The following CUX2 variants were observed in gnomAD, a reference collection of about 807,000 sequenced individuals.
CUX2 encodes the protein homeobox protein cut-like 2.
In CUX2, 40 loss-of-function variants were observed where a neutral mutation model predicts 144.8. The ratio of observed to expected loss-of-function variants is 0.28; its 90% CI spans 0.21 to 0.36. The LOEUF is 0.36. CUX2 is among the 10% of genes least tolerant of loss of function. The pLI, the probability that CUX2 is intolerant of heterozygous loss-of-function variation, is 1.00. For synonymous variants in CUX2, 827 were observed against 875.6 expected (o/e 0.94, Z 0.98); for missense variants, 1,615 against 1,994.0 (o/e 0.81, Z 3.62).
At chr12:111,266,885 C>T (rs1884414658) in intron 4 of CUX2, among the ~76,000 whole-genome samples, 1 of 152,222 alleles carries the variant, frequency 6.6e-6, no homozygotes, top group Admixed American at 6.5e-5. Context: ...TCAGCCTCAC[C>T]TGCAAGCTGG....
intron 3 of CUX2, among the ~76,000 whole-genome samples, chr12:111,258,026 A>G (rs1307120791): frequency 6.6e-6 from 1 of 152,224 alleles, no homozygotes; most frequent in African/African-American, 2.4e-5. Flanking sequence ...CTATGTGATT[A>G]GAAGAAGAAT....
chr12:111,145,548 A>G (rs748554326), intron 1 of CUX2, among the ~76,000 whole-genome samples: 16 of 152,072 alleles, frequency 1.1e-4, no homozygotes, highest in Non-Finnish European at 2.2e-4. Flanking sequence ...TTTTTACTAT[A>G]GAGATGGCGG....
rs1877485140 is a variant in CUX2 at position 111,062,296 on chromosome 12, C to T, written c.63+28056C>T. 1.3e-5 allele frequency among the ~76,000 whole-genome samples: 2 copies of T among 152,220 alleles called. 1 individual carries two copies. Among genetic ancestry groups the T allele is most frequent in the Admixed American group, 1.3e-4 (2 of 15,284 alleles). On this transcript the variant is annotated intron_variant, in intron 1 of 21. Transcript: ENST00000261726. ...TCTCTCATCTACACCAAAGGGAGTG[C>T]ACAGGGCTGTCCTCCTGGTTGAGGG... is the stretch of plus-strand genomic sequence containing the variant.
At chr12:111,054,023 A>G (rs1870403820) in intron 1 of CUX2, among the ~76,000 whole-genome samples, 1 of 152,120 alleles carries the variant, frequency 6.6e-6, no homozygotes, top group Non-Finnish European at 1.5e-5. Flanking sequence ...GCATGGTGGC[A>G]CACGCCTGTA....
At chr12:111,120,741 G>A (rs946752275) in intron 1 of CUX2, among the ~76,000 whole-genome samples, 2 of 151,920 alleles carry the variant, frequency 1.3e-5, no homozygotes, top group Non-Finnish European at 2.9e-5. Context: ...CAGGCTGCTG[G>A]AGATTAGCAT....
At chr12:111,242,421 A>C (rs760309300) in intron 3 of CUX2, among the ~76,000 whole-genome samples, 2 of 152,214 alleles carry the variant, frequency 1.3e-5, no homozygotes, top group Non-Finnish European at 2.9e-5. Flanking sequence ...CGACAAGGGC[A>C]GAGTTGAGGA....
At chr12:111,138,140 A>T (rs558446618) in intron 1 of CUX2, among the ~76,000 whole-genome samples, 1 of 152,254 alleles carries the variant, frequency 6.6e-6, no homozygotes, top group East Asian at 1.9e-4. Context: ...GGCCGAGGGG[A>T]GGGGCTTGGC....
At chr12:111,155,182 TTCCTTA>T (rs1488643423) in intron 1 of CUX2, among the ~76,000 whole-genome samples, 1 of 152,222 alleles carries the variant, frequency 6.6e-6, no homozygotes, top group African/African-American at 2.4e-5. Context: ...CCCAGCTCTG[TTCCTTA>T]CTGGCTGTGT....
At chr12:111,269,763 A>G (rs1317407311) in intron 4 of CUX2, among the ~76,000 whole-genome samples, 1 of 152,144 alleles carries the variant, frequency 6.6e-6, no homozygotes, top group East Asian at 1.9e-4. Flanking sequence ...ATTGCTGTGG[A>G]ACCTTCTGGA....
intron 1 of CUX2, among the ~76,000 whole-genome samples, chr12:111,147,235 T>C (rs975905895): frequency 1.3e-5 from 2 of 152,226 alleles, no homozygotes; most frequent in African/African-American, 4.8e-5. Flanking sequence ...TTCAGAACTA[T>C]TTTGGTAGAT....
At chr12:111,054,387 T>A (rs1454279089) in intron 1 of CUX2, among the ~76,000 whole-genome samples, 1 of 152,208 alleles carries the variant, frequency 6.6e-6, no homozygotes, top group Non-Finnish European at 1.5e-5. Flanking sequence ...GTGCCAACTT[T>A]GTGACTGGTG....
intron 19 of CUX2, among the ~76,000 whole-genome samples, chr12:111,335,921 A>T (rs1888329204): frequency 2.2e-5 from 3 of 133,360 alleles, no homozygotes; most frequent in South Asian, 2.7e-4. Flanking sequence ...AAGTTAAATT[A>T]AAAAAAAAAA....
intron 3 of CUX2, among the ~76,000 whole-genome samples, chr12:111,223,703 G>T (rs1458347556): frequency 6.6e-6 from 1 of 152,146 alleles, no homozygotes; most frequent in African/African-American, 2.4e-5. Context: ...TGGAGTCAGG[G>T]GCCATGGTGG....
chr12:111,327,028 C>G (rs909716548), intron 18 of CUX2, among the ~76,000 whole-genome samples: 54 of 152,140 alleles, frequency 3.5e-4, no homozygotes, highest in African/African-American at 1.3e-3. Flanking sequence ...CTGTCTAATT[C>G]CAGAATATTC....
chr12:111,204,751 A>G (rs1405445243), intron 1 of CUX2, among the ~76,000 whole-genome samples: 1 of 152,148 alleles, frequency 6.6e-6, no homozygotes. Context: ...GGAGAGGGAA[A>G]TGAACTTTTG....
At chr12:111,203,007 G>A (rs956801123) in intron 1 of CUX2, among the ~76,000 whole-genome samples, 8 of 151,988 alleles carry the variant, frequency 5.3e-5, no homozygotes, top group Admixed American at 2.0e-4. Flanking sequence ...CAAGGTGAGC[G>A]GATCACTTGA....
intron 21 of CUX2, among the ~76,000 whole-genome samples, chr12:111,343,629 T>A (rs747662791): frequency 1.3e-5 from 2 of 152,146 alleles, no homozygotes; most frequent in Non-Finnish European, 2.9e-5. Flanking sequence ...CCATACCCTC[T>A]CTCAGTCCCC....
chr12:111,042,986 CCAG>C (rs1203767951), intron 1 of CUX2, among the ~76,000 whole-genome samples: 1 of 152,172 alleles, frequency 6.6e-6, no homozygotes, highest in Admixed American at 6.5e-5. Context: ...AGATCCATGC[CCAG>C]CACATTGAAA....
Position 111,322,344 on chromosome 12 carries a change from A to AG in CUX2, c.2767-75dup. 9.5e-7 allele frequency: 1 copy of AG among 1,050,830 alleles called. No homozygotes were observed. The highest frequency in any genetic ancestry group is 3.3e-5 in the Admixed American group (1 of 30,472). The allele number at this position is 1,050,830 out of a possible 1,614,324, so 65.1% of individuals were successfully genotyped here. A position where few individuals can be genotyped will look rare whatever the true frequency, so the allele number is the denominator to read the frequency against. ...CTCAAAAAAAAAAAAAAAAAAAAAAAGGTTGGGGAGGAGAGTGAGGGCCAG... is the reference window on the plus strand; with the variant it reads ...CTCAAAAAAAAAAAAAAAAAAAAAAAGGGTTGGGGAGGAGAGTGAGGGCCAG... On this transcript the variant is annotated intron_variant, in intron 17 of 21. Transcript: ENST00000261726. The surrounding 1 kb of genome is among the most constrained non-coding windows in gnomAD (Gnocchi z 4.2).
Sources: gnomAD v4.1 joint callset for allele counts (sites outside exome capture counted in the v4.1 genomes callset) on GRCh38, gnomAD v4.1.1 for gene constraint, Gnocchi (gnomAD v3.1) non-coding constraint, MANE v1.5 for transcripts, NCBI Gene and HGNC (gene_info 2026-07-23, HGNC 2026-07-21) for gene names.